Variants in NEK10 observed in about 807,000 individuals in gnomAD.
NEK10 encodes NIMA related kinase 10, also known as serine/threonine-protein kinase Nek10.
A neutral mutation model predicts 159.8 loss-of-function variants in NEK10; 122 were observed. That is an observed-to-expected ratio of 0.76 (90% CI 0.66 to 0.89). The LOEUF is 0.89. NEK10 is among the 40% of genes least tolerant of loss of function. The probability of loss-of-function intolerance (pLI) is 0.00; values close to 1 mark genes in which losing one functional copy is unlikely to be tolerated. For synonymous variants in NEK10, 466 were observed against 457.1 expected (o/e 1.02, Z -0.25); for missense variants, 1,342 against 1,323.1 (o/e 1.01, Z -0.22).
At position 27,277,324 on chromosome 3, in the gene NEK10, T is replaced by C. The variant is rs189312208; in HGVS notation, c.2014+7278A>G. 4.6e-5 allele frequency among the ~76,000 whole-genome samples: 7 copies of C among 152,294 alleles called. No homozygotes were observed. In the East Asian group the frequency reaches 9.6e-4, roughly 21 times the overall value. ...GTTGTGAGATAACTAAATATCCTCA[T>C]GGTTTAAGCCATCGTTAGTCTGGCT... is the stretch of plus-strand genomic sequence containing the variant. On this transcript the variant is annotated intron_variant, in intron 22 of 35. Transcript: ENST00000691995.
chr3:27,335,509 A>G (rs1293278489), intron 5 of NEK10, among the ~76,000 whole-genome samples: 3 of 152,212 alleles, frequency 2.0e-5, no homozygotes, highest in African/African-American at 2.4e-5. Context: ...CCAAATGAAC[A>G]TAACAGACAT....
At chr3:27,268,460 T>C (rs897612456) in intron 22 of NEK10, among the ~76,000 whole-genome samples, 1 of 152,198 alleles carries the variant, frequency 6.6e-6, no homozygotes. Flanking sequence ...TTGAAGCCAA[T>C]GCTTATTGAC....
chr3:27,137,350 G>A (rs570834640), intron 31 of NEK10, among the ~76,000 whole-genome samples: 1 of 152,020 alleles, frequency 6.6e-6, no homozygotes, highest in South Asian at 2.1e-4. Flanking sequence ...ATAAGAAAAT[G>A]GTATACATTA....
At chr3:27,138,720 C>A (rs1943475139) in intron 31 of NEK10, among the ~76,000 whole-genome samples, 1 of 152,198 alleles carries the variant, frequency 6.6e-6, no homozygotes, top group Non-Finnish European at 1.5e-5. Flanking sequence ...GCCCTTGGAA[C>A]TGAGCCCAGT....
At chr3:27,314,436 A>G in intron 6 of NEK10, 98 bp from the exon 7 acceptor site, 1 of 762,048 alleles carries the variant, frequency 1.3e-6, no homozygotes, top group Non-Finnish European at 2.3e-6. Context: ...CATATTTATA[A>G]TTATATTGTG....
chr3:27,214,245 C>A (rs572507812), intron 23 of NEK10, among the ~76,000 whole-genome samples: 1 of 152,324 alleles, frequency 6.6e-6, no homozygotes, highest in South Asian at 2.1e-4. Context: ...ACATGTAAAA[C>A]CAAGCTGTAA....
intron 5 of NEK10, among the ~76,000 whole-genome samples, chr3:27,338,226 T>C (rs1346096682): frequency 2.6e-5 from 4 of 152,180 alleles, no homozygotes; most frequent in African/African-American, 7.2e-5. Context: ...CTGAGAAGGA[T>C]GGTTTCCAGC....
intron 22 of NEK10, among the ~76,000 whole-genome samples, chr3:27,270,935 T>C (rs1363869167): frequency 6.6e-6 from 1 of 152,216 alleles, no homozygotes; most frequent in Non-Finnish European, 1.5e-5. Flanking sequence ...ATTCTTAACA[T>C]ATTTCATTAT....
Position 27,192,064 on chromosome 3 carries a change from C to T in NEK10, c.2470G>A (p.Val824Ile), listed in dbSNP as rs374938616. 209 of 1,614,030 alleles carry T rather than the reference C, an allele frequency of 1.3e-4. No homozygotes were observed. Among genetic ancestry groups the T allele is most frequent in the African/African-American group, 1.9e-4 (14 of 74,914 alleles). ...ACAGCCAGCTCATGGTGACATGTGA[C>T]GGTGTTCCGGTTGGCTTCCATAAAA... The part of the protein sequence containing the change: ...RYFMEANRNT[V>I]TCHHELAVLS... Residue 824 changes from valine (V) to isoleucine (I), a missense_variant, in exon 26 of 36, where the codon GTC (valine) becomes ATC (isoleucine). Coordinates refer to ENST00000691995, the MANE Select transcript of NEK10 (RefSeq NM_001394966.1).
At chr3:27,151,200 G>A (rs866974580) in intron 30 of NEK10, among the ~76,000 whole-genome samples, 7 of 152,046 alleles carry the variant, frequency 4.6e-5, no homozygotes, top group Non-Finnish European at 1.0e-4. Context: ...AGGCCAACCA[G>A]CACAAAAACA....
chr3:27,351,512 T>C (rs979961206), intron 3 of NEK10, among the ~76,000 whole-genome samples: 1 of 152,162 alleles, frequency 6.6e-6, no homozygotes, highest in Non-Finnish European at 1.5e-5. Context: ...GTTGTAATTA[T>C]TAAGCAGGGT....
chr3:27,190,253 CTGGCG>C (rs1234104162), intron 26 of NEK10, among the ~76,000 whole-genome samples: 8 of 152,122 alleles, frequency 5.3e-5, no homozygotes, highest in Non-Finnish European at 1.2e-4. Flanking sequence ...TTTATTTTAC[CTGGCG>C]ATAGCCTGAA....
intron 23 of NEK10, chr3:27,215,164 A>ATC (rs1439862979): frequency 6.3e-6 from 2 of 319,246 alleles, no homozygotes; most frequent in Non-Finnish European, 1.2e-5. Context: ...ATTAGTCTTA[A>ATC]TCTCTGAACA....
intron 6 of NEK10, among the ~76,000 whole-genome samples, chr3:27,315,156 G>A (rs983926761): frequency 1.3e-5 from 2 of 152,124 alleles, no homozygotes; most frequent in African/African-American, 4.8e-5. Flanking sequence ...AATTACATCT[G>A]TATTGACATC....
chr3:27,146,491 G>A (rs1392527218), intron 30 of NEK10, among the ~76,000 whole-genome samples: 2 of 152,130 alleles, frequency 1.3e-5, no homozygotes, highest in Non-Finnish European at 2.9e-5. Context: ...TTCATGAATG[G>A]GGGGCCAAAA....
intron 31 of NEK10, among the ~76,000 whole-genome samples, chr3:27,135,948 T>C (rs979549893): frequency 6.6e-6 from 1 of 152,120 alleles, no homozygotes; most frequent in African/African-American, 2.4e-5. Flanking sequence ...ACACAGAACG[T>C]TTCACCAATG....
intron 16 of NEK10, among the ~76,000 whole-genome samples, chr3:27,292,918 C>CA (rs1359453174): frequency 2.0e-5 from 3 of 152,092 alleles, no homozygotes; most frequent in Non-Finnish European, 2.9e-5. Context: ...GCTTTCTGAA[C>CA]AAAAAATACT....
intron 11 of NEK10, among the ~76,000 whole-genome samples, chr3:27,305,338 A>C (rs910971504): frequency 2.2e-4 from 34 of 152,312 alleles, no homozygotes; most frequent in African/African-American, 7.7e-4. Context: ...GGCTCGTTGC[A>C]TCATCGTTGG....
At chr3:27,243,614 G>A (rs1954768795) in intron 23 of NEK10, among the ~76,000 whole-genome samples, 1 of 152,092 alleles carries the variant, frequency 6.6e-6, no homozygotes, top group African/African-American at 2.4e-5. Context: ...AAATATATCT[G>A]TTTATAAAAT....
Sources: allele counts gnomAD v4.1 joint callset (sites outside exome capture counted in the v4.1 genomes callset), GRCh38; gene constraint gnomAD v4.1.1; transcripts MANE v1.5; gene names NCBI Gene and HGNC (gene_info 2026-07-23, HGNC 2026-07-21).